Variants in CAPN9 observed in about 807,000 individuals in gnomAD.
CAPN9 encodes the protein calpain-9.
Under a neutral mutation model 92.8 loss-of-function variants are expected in CAPN9, and 81 were observed. The observed-to-expected ratio is 0.87, with a 90% CI of 0.73 to 1.05. The LOEUF (loss-of-function observed/expected upper bound fraction) is 1.05, where lower values mean the gene tolerates loss of function less well. Ranked by LOEUF, CAPN9 falls within the 50% of genes least tolerant of loss-of-function variation. The pLI, the probability that CAPN9 is intolerant of heterozygous loss-of-function variation, is 0.00. For synonymous variants in CAPN9, 304 were observed against 328.0 expected (o/e 0.93, Z 0.79); for missense variants, 848 against 866.2 (o/e 0.98, Z 0.26).
At chr1:230,758,410 C>T (rs577177823) in intron 2 of CAPN9, among the ~76,000 whole-genome samples, 24 of 152,250 alleles carry the variant, frequency 1.6e-4, no homozygotes, top group African/African-American at 5.8e-4. Flanking sequence ...ATGTCACTTC[C>T]TAGTAGCATC....
intron 1 of CAPN9, among the ~76,000 whole-genome samples, chr1:230,751,683 G>GA (rs1257997376): frequency 8.7e-5 from 13 of 149,546 alleles, no homozygotes; most frequent in East Asian, 2.0e-4. Context: ...AAGAAAGAAA[G>GA]AAGGGTGGCT....
intron 2 of CAPN9, among the ~76,000 whole-genome samples, chr1:230,757,784 G>T (rs1665347023): frequency 1.3e-5 from 2 of 151,992 alleles, no homozygotes; most frequent in South Asian, 4.2e-4. Context: ...TCTGCAGGGG[G>T]TGGGGGTAGG....
Position 230,801,618 on chromosome 1 carries a change from C to G in CAPN9, c.*22C>G. ...CTGAGGCTGCCTTGTAGAGATGCAG[C>G]CTGCCCAGCTGAATCTTGGCTTCTG... On this transcript the variant is annotated 3_prime_UTR_variant, in exon 20 of 20. Coordinates refer to ENST00000271971, the MANE Select transcript of CAPN9 (RefSeq NM_006615.3). 1 of 1,611,278 alleles carries G rather than the reference C, an allele frequency of 6.2e-7. No individual in the cohort carries two copies. Among genetic ancestry groups the G allele is most frequent in the Non-Finnish European group, 8.5e-7 (1 of 1,177,376 alleles).
chr1:230,790,041 C>A, intron 13 of CAPN9, 91 bp from the exon 14 acceptor site: 1 of 1,075,090 alleles, frequency 9.3e-7, no homozygotes, highest in Admixed American at 2.0e-5. Flanking sequence ...GTCACTGGAG[C>A]CAAATGAAGC....
At chr1:230,763,119 G>A (rs756660423) in intron 4 of CAPN9, among the ~76,000 whole-genome samples, 1 of 152,192 alleles carries the variant, frequency 6.6e-6, no homozygotes, top group Non-Finnish European at 1.5e-5. Flanking sequence ...TCGGACACTG[G>A]CATGGCTCAA....
At chr1:230,780,430 T>A (rs1019254446) in intron 10 of CAPN9, 70 bp from the exon 11 acceptor site, 2 of 1,600,032 alleles carry the variant, frequency 1.2e-6, no homozygotes, top group African/African-American at 1.3e-5. Context: ...CAACCAAGAG[T>A]CCATGAATTG....
intron 2 of CAPN9, among the ~76,000 whole-genome samples, chr1:230,757,741 A>G (rs908953202): frequency 2.7e-5 from 4 of 147,176 alleles, no homozygotes; most frequent in African/African-American, 1.0e-4. Context: ...AAAAACTAGA[A>G]CACACTTGGA....
intron 12 of CAPN9, among the ~76,000 whole-genome samples, chr1:230,786,817 G>GT (rs1301783881): frequency 6.6e-6 from 1 of 152,150 alleles, no homozygotes; most frequent in African/African-American, 2.4e-5. Flanking sequence ...GCAGGGAGAT[G>GT]TTTTTTACTG....
At chr1:230,780,051 A>G (rs1667097068) in intron 9 of CAPN9, 128 bp from the exon 10 acceptor site, 1 of 675,000 alleles carries the variant, frequency 1.5e-6, no homozygotes, top group African/African-American at 1.8e-5. Context: ...GTTTGGTAGG[A>G]CATATAATGA....
Position 230,801,606 on chromosome 1 carries a change from G to T in CAPN9, c.*10G>T, listed in dbSNP as rs372861095. On this transcript the variant is annotated 3_prime_UTR_variant, in exon 20 of 20. Transcript: ENST00000271971. ...GACAATGAACATCTGAGGCTGCCTT[G>T]TAGAGATGCAGCCTGCCCAGCTGAA... 6 of 1,612,444 alleles carry T rather than the reference G, an allele frequency of 3.7e-6. No individual in the cohort carries two copies. Among genetic ancestry groups the T allele is most frequent in the Non-Finnish European group, 5.1e-6 (6 of 1,178,578 alleles).
chr1:230,792,735 G>A, intron 16 of CAPN9, 115 bp from the exon 17 acceptor site: 1 of 874,270 alleles, frequency 1.1e-6, no homozygotes, highest in East Asian at 2.4e-5. Flanking sequence ...GTCCAACTGT[G>A]GCCTCTGCGG....
intron 1 of CAPN9, among the ~76,000 whole-genome samples, chr1:230,749,893 A>G (rs1481310596): frequency 6.6e-6 from 1 of 152,110 alleles, no homozygotes; most frequent in African/African-American, 2.4e-5. Context: ...TGCAGTCTAT[A>G]TTGACATCAT....
intron 8 of CAPN9, chr1:230,776,971 G>A (rs1482216086): frequency 6.6e-6 from 1 of 152,172 alleles, no homozygotes; most frequent in Non-Finnish European, 1.5e-5. Flanking sequence ...CACATGCAGG[G>A]TGCTTGAGAG....
intron 8 of CAPN9, 85 bp downstream of exon 8, chr1:230,774,716 C>CT: frequency 1.2e-6 from 1 of 807,448 alleles, no homozygotes; most frequent in Non-Finnish European, 2.0e-6. Context: ...TTCTCTCTCG[C>CT]TTTCCTTTTT....
intron 2 of CAPN9, among the ~76,000 whole-genome samples, chr1:230,757,301 C>T (rs912240892): frequency 6.6e-6 from 1 of 152,150 alleles, no homozygotes; most frequent in Non-Finnish European, 1.5e-5. Flanking sequence ...CGCTGCCCAC[C>T]TCTCCCCCTC....
intron 11 of CAPN9, 72 bp downstream of exon 11, chr1:230,780,780 C>T: frequency 8.1e-7 from 1 of 1,231,500 alleles, no homozygotes; most frequent in Non-Finnish European, 1.2e-6. Flanking sequence ...CACCTGGGAA[C>T]TGCTGGAGCC....
rs1231133414 is a variant in CAPN9, at chr1:230,774,646, C to G, written c.953+15C>G. The G allele has an allele frequency of 6.3e-7, 1 of 1,594,414 alleles. No individual in the cohort carries two copies. The highest frequency in any genetic ancestry group is 8.6e-7 in the Non-Finnish European group (1 of 1,162,140). On this transcript the variant is annotated intron_variant, in intron 8 of 19. Transcript: ENST00000271971. ...GGGGAATTCTGGTACCGTGCTTGTT[C>G]CTGTGTTAACTGCAGATACGAGCAA...
intron 17 of CAPN9, 73 bp from the exon 18 acceptor site, chr1:230,795,090 C>T: frequency 3.3e-6 from 3 of 906,738 alleles, no homozygotes; most frequent in Non-Finnish European, 5.5e-6. Context: ...TGCCTGGGAG[C>T]TCCCTCAAAG....
chr1:230,772,242 C>A lies in CAPN9; in HGVS notation c.875+143C>A, dbSNP rs1182140565. On this transcript the variant is annotated intron_variant, in intron 7 of 19. Transcript: ENST00000271971. ...ATCCTGTCCCGATTCTGAGGTGCCC[C>A]TTCTTCCTCCCCTTTCAGCCCTCAG... The A allele has an allele frequency of 1.1e-5, 7 of 665,228 alleles. 1 individual carries two copies. Among genetic ancestry groups the A allele is most frequent in the Non-Finnish European group, 1.1e-5 (4 of 379,830 alleles). 41.2% of individuals were successfully genotyped at this position (665,228 alleles called of 1,614,324 possible).
Sources: allele counts gnomAD v4.1 joint callset (sites outside exome capture counted in the v4.1 genomes callset), GRCh38; gene constraint gnomAD v4.1.1; transcripts MANE v1.5; gene names NCBI Gene and HGNC (gene_info 2026-07-23, HGNC 2026-07-21).